The following CMC1 variants were observed in gnomAD, a reference collection of about 807,000 sequenced individuals.
CMC1 encodes COX assembly mitochondrial protein homolog.
A neutral mutation model predicts 14.1 loss-of-function variants in CMC1; 14 were observed. The observed-to-expected ratio is 0.99, with a 90% confidence interval of 0.66 to 1.55. The LOEUF (loss-of-function observed/expected upper bound fraction) is 1.55. Ranked by LOEUF, CMC1 falls within the 40% of genes most tolerant of loss-of-function variation. The pLI, the probability that CMC1 is intolerant of heterozygous loss-of-function variation, is 0.00. For missense variants in CMC1, 127 were observed against 123.8 expected, an observed-to-expected ratio of 1.03 and a Z score of -0.12; for synonymous variants, 50 against 38.4, an observed-to-expected ratio of 1.30 and a Z score of -1.12.
At chr3:28,263,105 G>C in intron 1 of CMC1, 186 bp from the exon 2 acceptor site, 1 of 524,618 alleles carries the variant, frequency 1.9e-6, no homozygotes. Context: ...CATTTTTGTT[G>C]TTGTATATAA....
rs1359549023 is a variant in CMC1 at position 28,304,265 on chromosome 3, A to T, written c.110-12068A>T. 2.0e-5 allele frequency among the ~76,000 whole-genome samples: 3 copies of T among 152,046 alleles called. No individual in the cohort carries two copies. In the East Asian group the frequency reaches 5.8e-4, roughly 29 times the overall value. Reference sequence around the variant, plus strand: ...TTTTTAACATGCAGCCAATATAAAAATTTTTAATGAGATATTTTATATTCC... The same window carrying T: ...TTTTTAACATGCAGCCAATATAAAATTTTTTAATGAGATATTTTATATTCC... On this transcript the variant is annotated intron_variant, in intron 2 of 3. Coordinates refer to ENST00000466830, the MANE Select transcript of CMC1 (RefSeq NM_182523.2).
chr3:28,304,722 A>G (rs1443823670), intron 2 of CMC1, among the ~76,000 whole-genome samples: 6 of 152,314 alleles, frequency 3.9e-5, no homozygotes, highest in African/African-American at 1.2e-4. Context: ...AATGAAGACA[A>G]TGACTTTAGA....
intron 2 of CMC1, among the ~76,000 whole-genome samples, chr3:28,300,698 C>T (rs982744287): frequency 1.2e-5 from 1 of 82,922 alleles, no homozygotes; most frequent in African/African-American, 4.0e-5. Flanking sequence ...CCTCCCTTTC[C>T]CTCCCTCTCA....
At chr3:28,277,882 C>G (rs1362688788) in intron 2 of CMC1, among the ~76,000 whole-genome samples, 2 of 151,976 alleles carry the variant, frequency 1.3e-5, no homozygotes, top group African/African-American at 4.8e-5. Context: ...TTCAGGGTCT[C>G]CTGGGTACTG....
intron 2 of CMC1, among the ~76,000 whole-genome samples, chr3:28,281,790 T>A (rs1351812543): frequency 6.6e-6 from 1 of 152,224 alleles, no homozygotes; most frequent in Non-Finnish European, 1.5e-5. Context: ...AACTGGACCT[T>A]GAAGTACGGC....
chr3:28,301,948 G>A (rs1192301368), intron 2 of CMC1, among the ~76,000 whole-genome samples: 3 of 150,968 alleles, frequency 2.0e-5, no homozygotes, highest in East Asian at 1.9e-4. Flanking sequence ...GCTACCTTGC[G>A]AGTTAAGGAA....
At chr3:28,308,661 T>C (rs1034730996) in intron 2 of CMC1, among the ~76,000 whole-genome samples, 1 of 152,204 alleles carries the variant, frequency 6.6e-6, no homozygotes, top group Non-Finnish European at 1.5e-5. Context: ...TCTTAAATTA[T>C]TCTTGAAATA....
intron 2 of CMC1, chr3:28,315,065 T>G (rs529265654): frequency 6.6e-6 from 1 of 152,262 alleles, no homozygotes; most frequent in South Asian, 2.1e-4. Flanking sequence ...ATGTTTAAGA[T>G]CTCACTTGGA....
intron 2 of CMC1, among the ~76,000 whole-genome samples, chr3:28,309,821 CCACACACA>C (rs57499697): frequency 0.21 from 27,453 of 131,600 alleles, 2,772 homozygotes; most frequent in Admixed American, 0.26. Context: ...CTGATATTTA[CCACACACA>C]CACACACACA....
At chr3:28,262,748 T>C (rs144202393) in intron 1 of CMC1, among the ~76,000 whole-genome samples, 140 of 152,286 alleles carry the variant, frequency 9.2e-4, no homozygotes, top group African/African-American at 3.3e-3. Flanking sequence ...AGAGCAGGTG[T>C]TCAATTTGCC....
In CMC1 at chr3:28,319,502, C is replaced by G; in HGVS notation, c.201-7C>G. 1 of 1,586,638 alleles carries G rather than the reference C, an allele frequency of 6.3e-7. No individual in the cohort carries two copies. The highest frequency in any genetic ancestry group is 8.6e-7 in the Non-Finnish European group (1 of 1,163,136). Reference sequence around the variant, plus strand: ...TACTTGAAAATATTTTCATTTCCTTCTCATAGCTATAATGATCCAGCCTTT... The same window carrying G: ...TACTTGAAAATATTTTCATTTCCTTGTCATAGCTATAATGATCCAGCCTTT... On this transcript the variant is annotated splice_region_variant and splice_polypyrimidine_tract_variant and intron_variant, in intron 3 of 3. Transcript: ENST00000466830.
At chr3:28,280,884 G>A (rs559294991) in intron 2 of CMC1, among the ~76,000 whole-genome samples, 1 of 152,294 alleles carries the variant, frequency 6.6e-6, no homozygotes, top group South Asian at 2.1e-4. Context: ...CTGATGCCCA[G>A]ATTTGGTCCA....
intron 2 of CMC1, among the ~76,000 whole-genome samples, chr3:28,300,645 C>CTCCCTCCCTTTCCCTCCCTT (rs1553620153): frequency 4.7e-5 from 2 of 42,940 alleles, no homozygotes; most frequent in African/African-American, 2.1e-4. Context: ...CTTTCCCTCC[C>CTCCCTCCCTTTCCCTCCCTT]TCCATCCCTT....
chr3:28,268,620 C>T (rs926096972), intron 2 of CMC1, among the ~76,000 whole-genome samples: 1 of 152,158 alleles, frequency 6.6e-6, no homozygotes, highest in Non-Finnish European at 1.5e-5. Context: ...GAAATGGGGA[C>T]ACTCCCAAGA....
chr3:28,247,468 G>A (rs1336225259), intron 1 of CMC1, among the ~76,000 whole-genome samples: 1 of 152,144 alleles, frequency 6.6e-6, no homozygotes, highest in Non-Finnish European at 1.5e-5. Context: ...CAAGGGAGCT[G>A]GGCTTTCATG....
At chr3:28,300,566 C>G (rs1195218364) in intron 2 of CMC1, among the ~76,000 whole-genome samples, 1 of 151,860 alleles carries the variant, frequency 6.6e-6, no homozygotes, top group Non-Finnish European at 1.5e-5. Context: ...ACTCTCCCCT[C>G]TCCAGCACCC....
At chr3:28,257,864 T>G (rs1559403815) in intron 1 of CMC1, among the ~76,000 whole-genome samples, 1 of 152,156 alleles carries the variant, frequency 6.6e-6, no homozygotes, top group Non-Finnish European at 1.5e-5. Flanking sequence ...GGAACATATT[T>G]AACTTTATAA....
chr3:28,288,540 C>T (rs577482759), intron 2 of CMC1, among the ~76,000 whole-genome samples: 3 of 152,010 alleles, frequency 2.0e-5, no homozygotes, highest in South Asian at 4.1e-4. Context: ...AAGGAGCCAA[C>T]TGAAAATAAT....
At chr3:28,278,786 G>T (rs778638279) in intron 2 of CMC1, among the ~76,000 whole-genome samples, 1 of 152,150 alleles carries the variant, frequency 6.6e-6, no homozygotes, top group Non-Finnish European at 1.5e-5. Context: ...TTAGAATTCA[G>T]CTATCTTTAT....
Sources: gnomAD v4.1 joint callset for allele counts (sites outside exome capture counted in the v4.1 genomes callset) on GRCh38, gnomAD v4.1.1 for gene constraint, MANE v1.5 for transcripts, NCBI Gene and HGNC (gene_info 2026-07-23, HGNC 2026-07-21) for gene names.